MZT2A: variants seen among roughly 807,000 people sequenced by gnomAD.
The protein encoded by MZT2A is mitotic spindle organizing protein 2A, also known as mitotic-spindle organizing protein 2A.
Under a neutral mutation model 12.4 loss-of-function variants are expected in MZT2A, and 8 were observed. That is an observed-to-expected ratio of 0.64 (90% CI 0.38 to 1.16). The LOEUF (loss-of-function observed/expected upper bound fraction) is 1.16. Among genes scored for constraint, MZT2A ranks in the 50% most tolerant of loss-of-function variants. The pLI, the probability that MZT2A is intolerant of heterozygous loss-of-function variation, is 0.01. For synonymous variants in MZT2A, 88 were observed against 107.5 expected (o/e 0.82, Z 1.12); for missense variants, 181 against 223.6 (o/e 0.81, Z 1.22).
intron 2 of MZT2A, chr2:131,489,764 T>C: frequency 1.4e-6 from 1 of 702,574 alleles, no homozygotes; most frequent in Non-Finnish European, 1.7e-6. Context: ...CCACCTGCCT[T>C]GACTTCCCGA....
upstream of MZT2A, chr2:131,492,898 A>C (rs1679406987): frequency 6.6e-7 from 1 of 1,505,444 alleles, no homozygotes; most frequent in South Asian, 1.2e-5. Flanking sequence ...ACGCAGGCGC[A>C]TTCAGCTAAG....
intron 2 of MZT2A, among the ~76,000 whole-genome samples, chr2:131,485,083 C>T (rs1472788318): frequency 5.3e-5 from 8 of 152,158 alleles, no homozygotes; most frequent in African/African-American, 7.2e-5. Flanking sequence ...CAGGCTTGCC[C>T]GTGGGGTCAC....
chr2:131,490,905 G>A (rs1679268612), intron 2 of MZT2A: 1 of 1,549,880 alleles, frequency 6.5e-7, no homozygotes, highest in African/African-American at 1.4e-5. Context: ...GGAGGTCAGA[G>A]AGAGACACAA....
At chr2:131,484,974 A>G (rs1322461697) in intron 2 of MZT2A, among the ~76,000 whole-genome samples, 1 of 152,230 alleles carries the variant, frequency 6.6e-6, no homozygotes, top group Non-Finnish European at 1.5e-5. Flanking sequence ...CACTCGGGCC[A>G]GAGCTTTATT....
At chr2:131,480,810 C>A, downstream of MZT2A, 2 of 1,569,802 alleles carry the variant, frequency 1.3e-6, no homozygotes, top group Non-Finnish European at 1.7e-6. Context: ...TAACACTGGC[C>A]CTGAAGGCCC....
At chr2:131,488,835 T>A (rs1338590011) in intron 2 of MZT2A, among the ~76,000 whole-genome samples, 8 of 152,054 alleles carry the variant, frequency 5.3e-5, no homozygotes, top group Non-Finnish European at 1.5e-5. Context: ...GACACAGCCC[T>A]CGAGAAACAA....
At chr2:131,485,789 C>T (rs985029784) in intron 2 of MZT2A, among the ~76,000 whole-genome samples, 6 of 152,048 alleles carry the variant, frequency 3.9e-5, no homozygotes, top group African/African-American at 1.4e-4. Flanking sequence ...AGAAAAGATG[C>T]AACCGGGTGT....
downstream of MZT2A, among the ~76,000 whole-genome samples, chr2:131,481,435 ATT>A (rs70994779): frequency 7.7e-4 from 99 of 129,186 alleles, no homozygotes; most frequent in East Asian, 1.4e-3. Flanking sequence ...TGCCCGGGTA[ATT>A]TTTTTTTTTT....
intron 2 of MZT2A, chr2:131,491,667 C>T (rs1297127297): frequency 2.7e-5 from 22 of 817,870 alleles, no homozygotes; most frequent in Non-Finnish European, 3.7e-5. Flanking sequence ...GGGGCACGCA[C>T]TCTGCGTCCA....
At chr2:131,489,342 G>GCGC (rs1679192977) in intron 2 of MZT2A, 1 of 149,938 alleles carries the variant, frequency 6.7e-6, no homozygotes, top group Non-Finnish European at 1.5e-5. Context: ...ATACAGATGG[G>GCGC]CGCCACCACC....
At chr2:131,487,921 C>A (rs1679120592) in intron 2 of MZT2A, among the ~76,000 whole-genome samples, 1 of 152,210 alleles carries the variant, frequency 6.6e-6, no homozygotes, top group Admixed American at 6.5e-5. Context: ...TGTGTGCCAC[C>A]ATGCCCTGCT....
upstream of MZT2A, chr2:131,492,497 AGCG>A (rs1679380108): frequency 3.5e-6 from 4 of 1,129,790 alleles, no homozygotes; most frequent in Middle Eastern, 3.7e-4. Flanking sequence ...GAGCGGCGGG[AGCG>A]CGGGGACGGG....
At chr2:131,480,561 G>A (rs369744409), downstream of MZT2A, 9 of 1,610,524 alleles carry the variant, frequency 5.6e-6, no homozygotes, top group South Asian at 3.3e-5. Context: ...GTCTGTGGCC[G>A]AGATCACCAA....
intron 1 of MZT2A, 81 bp from the exon 2 acceptor site, chr2:131,492,105 C>T (rs1313285934): frequency 9.7e-6 from 15 of 1,552,146 alleles, no homozygotes; most frequent in Middle Eastern, 2.3e-4. Context: ...AGGACGGGGG[C>T]GGGGGCAGCG....
Position 131,491,996 on chromosome 2 carries a change from C to T in MZT2A, c.199G>A (p.Val67Met). Residue 67 changes from valine (V) to methionine (M), a missense_variant, in exon 2 of 3, where the codon GTG becomes ATG. By Grantham distance (21) the Val-to-Met change is conservative. Around this residue, in one of 3 missense-constraint regions of MZT2A, gnomAD observed 106 missense variants for 127.2 expected, o/e 0.83. Coordinates refer to ENST00000309451, the MANE Select transcript of MZT2A (RefSeq NM_001085365.2). ...KILVDLLKLN[V>M]APLAVFQMLK... ...ATCTGGAAGACGGCGAGGGGGGCCA[C>T]GTTCAGCTTCAGCAGGTCCACCAGG... 16 of 1,549,568 alleles carry T rather than the reference C, an allele frequency of 1.0e-5. No individual in the cohort carries two copies. Among genetic ancestry groups the T allele is most frequent in the Non-Finnish European group, 1.4e-5 (16 of 1,147,868 alleles).
downstream of MZT2A, chr2:131,479,395 G>A (rs1678775478): frequency 4.3e-6 from 7 of 1,614,184 alleles, no homozygotes; most frequent in East Asian, 1.6e-4. Flanking sequence ...AATTACGCCA[G>A]GGGCCATTAC....
intron 2 of MZT2A, among the ~76,000 whole-genome samples, chr2:131,485,717 T>C (rs1012150586): frequency 2.0e-5 from 3 of 152,068 alleles, no homozygotes; most frequent in Admixed American, 6.6e-5. Flanking sequence ...TCAATCCTGG[T>C]CCTTCCCTGG....
intron 2 of MZT2A, among the ~76,000 whole-genome samples, chr2:131,487,120 C>T (rs950089568): frequency 6.6e-6 from 1 of 152,128 alleles, no homozygotes; most frequent in Non-Finnish European, 1.5e-5. Context: ...ACTGATGCCC[C>T]TACACCTGGT....
chr2:131,492,236 C>T lies in MZT2A; in HGVS notation c.141G>A (p.Ala47=), dbSNP rs910490992. ...EMELYELAQA[A]GGGIDPDVFK... ...ACACGTCGGGGTCGATACCGCCGCC[C>T]GCCGCCTGAGCCAGCTCGTACAGCT... The change falls in exon 1 of 3, where the codon GCG becomes GCA. Residue 47 remains alanine (A), a synonymous_variant. Coordinates refer to ENST00000309451, the MANE Select transcript of MZT2A (RefSeq NM_001085365.2). 1.3e-6 allele frequency: 2 copies of T among 1,585,002 alleles called. No individual in the cohort carries two copies. Among genetic ancestry groups the T allele is most frequent in the East Asian group, 2.3e-5 (1 of 43,784 alleles).
Sources: allele counts gnomAD v4.1 joint callset (sites outside exome capture counted in the v4.1 genomes callset), GRCh38; gene constraint gnomAD v4.1.1; regional missense constraint gnomAD v4.1.1; transcripts MANE v1.5; gene names NCBI Gene and HGNC (gene_info 2026-07-23, HGNC 2026-07-21).